The following STT3B variants were observed in gnomAD, a reference collection of about 807,000 sequenced individuals.
The protein encoded by STT3B is STT3 oligosaccharyltransferase complex catalytic subunit B.
In STT3B, 29 loss-of-function variants were observed where a neutral mutation model predicts 96.8. The observed-to-expected ratio is 0.30, with a 90% confidence interval of 0.22 to 0.41. STT3B has a LOEUF of 0.41. STT3B is among the 10% of genes least tolerant of loss of function. STT3B has a pLI of 1.00. For missense variants in STT3B, 640 were observed against 1,022.3 expected (o/e 0.63, Z 5.10); for synonymous variants, 367 against 360.0 (o/e 1.02, Z -0.22).
intron 3 of STT3B, among the ~76,000 whole-genome samples, chr3:31,587,131 C>T (rs1247206004): frequency 6.6e-6 from 1 of 151,974 alleles, no homozygotes; most frequent in African/African-American, 2.4e-5. Flanking sequence ...AGCTGTACCC[C>T]ATAAATTTTT....
chr3:31,603,038 C>G (rs1396334941), intron 5 of STT3B, among the ~76,000 whole-genome samples: 1 of 151,870 alleles, frequency 6.6e-6, no homozygotes. Flanking sequence ...ATATAAAGTT[C>G]TTTGATTTTG....
chr3:31,548,377 A>AT (rs1375348729), intron 1 of STT3B, among the ~76,000 whole-genome samples: 9 of 151,918 alleles, frequency 5.9e-5, no homozygotes, highest in African/African-American at 1.9e-4. Context: ...AAAAACAGCC[A>AT]TTTTTTTCCC....
chr3:31,567,123 G>A (rs1698024714), intron 1 of STT3B, among the ~76,000 whole-genome samples: 1 of 152,054 alleles, frequency 6.6e-6, no homozygotes, highest in Non-Finnish European at 1.5e-5. Context: ...GTCTATGTGT[G>A]GTTATTTTGA....
chr3:31,630,229 A>G (rs572894394), intron 14 of STT3B, among the ~76,000 whole-genome samples: 57 of 152,326 alleles, frequency 3.7e-4, no homozygotes, highest in Non-Finnish European at 7.2e-4. Flanking sequence ...TTTTCTGCCT[A>G]AAGGCAGAAT....
At chr3:31,549,112 A>T (rs1697487884) in intron 1 of STT3B, among the ~76,000 whole-genome samples, 1 of 152,138 alleles carries the variant, frequency 6.6e-6, no homozygotes. Flanking sequence ...TTGATAGATG[A>T]GGAGCCTGAG....
chr3:31,624,403 G>T (rs1699489683), intron 11 of STT3B, among the ~76,000 whole-genome samples: 1 of 152,158 alleles, frequency 6.6e-6, no homozygotes, highest in African/African-American at 2.4e-5. Context: ...TCTCAAATGT[G>T]TGGTCTTTGT....
chr3:31,584,688 G>C (rs1444936449), intron 3 of STT3B, among the ~76,000 whole-genome samples: 1 of 151,832 alleles, frequency 6.6e-6, no homozygotes, highest in East Asian at 1.9e-4. Context: ...TTTTTCCTTT[G>C]TTTTCTTTTT....
At chr3:31,535,960 C>T (rs1244757667) in intron 1 of STT3B, among the ~76,000 whole-genome samples, 1 of 152,092 alleles carries the variant, frequency 6.6e-6, no homozygotes, top group African/African-American at 2.4e-5. Context: ...AATGGACTGT[C>T]TCCTGTGCCT....
At chr3:31,555,034 G>T (rs1697669783) in intron 1 of STT3B, among the ~76,000 whole-genome samples, 1 of 152,050 alleles carries the variant, frequency 6.6e-6, no homozygotes, top group South Asian at 2.1e-4. Flanking sequence ...TGGCCTCTCT[G>T]CCTCTGTGTT....
At chr3:31,541,283 A>G (rs1697257849) in intron 1 of STT3B, among the ~76,000 whole-genome samples, 1 of 152,166 alleles carries the variant, frequency 6.6e-6, no homozygotes, top group Non-Finnish European at 1.5e-5. Context: ...GATCATTGCC[A>G]CTACCTTAGA....
chr3:31,589,247 C>A (rs1487153498), intron 3 of STT3B, among the ~76,000 whole-genome samples: 3 of 151,982 alleles, frequency 2.0e-5, no homozygotes, highest in Non-Finnish European at 4.4e-5. Context: ...AATTTCAGTT[C>A]ATTACTGGTA....
In STT3B at chr3:31,619,847, A is replaced by G; in HGVS notation, c.1327+17A>G. ...GAGTATTTGGTAAGAGAGGTTTTTA[A>G]TGAATACTTTGATATGGAATAGTTA... On this transcript the variant is annotated intron_variant, in intron 9 of 15. Coordinates refer to ENST00000295770, the MANE Select transcript of STT3B (RefSeq NM_178862.3). The G allele has an allele frequency of 6.3e-7, 1 of 1,598,972 alleles. No individual in the cohort carries two copies. The highest frequency in any genetic ancestry group is 8.5e-7 in the Non-Finnish European group (1 of 1,175,944).
intron 1 of STT3B, among the ~76,000 whole-genome samples, chr3:31,542,741 G>A (rs142573429): frequency 5.9e-5 from 9 of 152,222 alleles, no homozygotes; most frequent in Middle Eastern, 6.8e-3. Context: ...TTCCTCAAAT[G>A]GAGATTCTTT....
At chr3:31,608,855 G>A (rs1353326360) in intron 5 of STT3B, among the ~76,000 whole-genome samples, 13 of 152,176 alleles carry the variant, frequency 8.5e-5, no homozygotes, top group African/African-American at 2.7e-4. Context: ...AGTGGCTCAC[G>A]CCTGTAATCC....
chr3:31,586,818 TTC>T (rs1412726294), intron 3 of STT3B, among the ~76,000 whole-genome samples: 2 of 152,120 alleles, frequency 1.3e-5, no homozygotes, highest in Admixed American at 6.6e-5. Context: ...CTAATGTTAT[TTC>T]TCTTTTTCAG....
chr3:31,627,360 A>C (rs745762799), intron 13 of STT3B, among the ~76,000 whole-genome samples: 4 of 152,222 alleles, frequency 2.6e-5, no homozygotes, highest in Non-Finnish European at 4.4e-5. Context: ...GAGGGGGAAC[A>C]GTTTCATCTA....
At chr3:31,588,064 C>T (rs1054758240) in intron 3 of STT3B, among the ~76,000 whole-genome samples, 1 of 152,050 alleles carries the variant, frequency 6.6e-6, no homozygotes, top group African/African-American at 2.4e-5. Flanking sequence ...GAATTTTTCC[C>T]TTATTGTTGA....
At chr3:31,537,242 A>G (rs1395412236) in intron 1 of STT3B, among the ~76,000 whole-genome samples, 2 of 152,230 alleles carry the variant, frequency 1.3e-5, no homozygotes, top group African/African-American at 4.8e-5. Context: ...AAGCTGTTAG[A>G]AGTTGGGGAC....
At chr3:31,629,996 G>C (rs1040027041) in intron 14 of STT3B, among the ~76,000 whole-genome samples, 7 of 152,156 alleles carry the variant, frequency 4.6e-5, no homozygotes, top group African/African-American at 1.7e-4. Flanking sequence ...CTGTGTTTTC[G>C]ATCAGGTTCT....
Sources: allele counts gnomAD v4.1 joint callset (sites outside exome capture counted in the v4.1 genomes callset), GRCh38; gene constraint gnomAD v4.1.1; transcripts MANE v1.5; gene names NCBI Gene and HGNC (gene_info 2026-07-23, HGNC 2026-07-21).